Variants in USP34 observed in about 807,000 individuals in gnomAD.
USP34 encodes the protein ubiquitin carboxyl-terminal hydrolase 34.
A neutral mutation model predicts 460.3 loss-of-function variants in USP34; 70 were observed. That is an observed-to-expected ratio of 0.15 (90% CI 0.13 to 0.19). USP34 has a LOEUF of 0.19. Among genes scored for constraint, USP34 ranks in the 10% least tolerant of loss-of-function variants. The probability of loss-of-function intolerance (pLI) is 1.00; values close to 1 mark genes in which losing one functional copy is unlikely to be tolerated. For synonymous variants in USP34, 1,647 were observed against 1,405.3 expected (o/e 1.17, Z -3.85); for missense variants, 3,985 against 4,236.2 (o/e 0.94, Z 1.65).
At chr2:61,410,072 T>C (rs72815506) in intron 2 of USP34, among the ~76,000 whole-genome samples, 27 of 152,224 alleles carry the variant, frequency 1.8e-4, no homozygotes, top group Non-Finnish European at 3.4e-4. Flanking sequence ...GGACCTGTTT[T>C]GTGGAAGACA....
At chr2:61,363,521 T>C (rs2103818417) in intron 10 of USP34, among the ~76,000 whole-genome samples, 1 of 152,330 alleles carries the variant, frequency 6.6e-6, no homozygotes, top group African/African-American at 2.4e-5. Context: ...CTGAATACTG[T>C]AGGCAACTGT....
At chr2:61,209,922 T>A (rs1468370264) in intron 69 of USP34, among the ~76,000 whole-genome samples, 2 of 152,126 alleles carry the variant, frequency 1.3e-5, no homozygotes, top group African/African-American at 4.8e-5. Flanking sequence ...TATGTCTTAG[T>A]TTTTAACGAA....
intron 1 of USP34, among the ~76,000 whole-genome samples, chr2:61,446,233 C>A (rs1195488507): frequency 6.6e-6 from 1 of 151,214 alleles, no homozygotes; most frequent in Non-Finnish European, 1.5e-5. Flanking sequence ...ACAAGTGGAA[C>A]TGTTATATAT....
chr2:61,421,181 G>A (rs959094543), intron 1 of USP34, among the ~76,000 whole-genome samples: 4 of 152,100 alleles, frequency 2.6e-5, no homozygotes, highest in Middle Eastern at 6.3e-3. Flanking sequence ...GTGCCTATAG[G>A]GTACTAGAAG....
intron 41 of USP34, among the ~76,000 whole-genome samples, chr2:61,269,571 G>T (rs1689152893): frequency 1.3e-5 from 2 of 151,900 alleles, no homozygotes; most frequent in African/African-American, 4.8e-5. Context: ...AATGTATATT[G>T]TCTACAAAGA....
chr2:61,350,755 A>G, intron 10 of USP34, 62 bp from the exon 11 acceptor site: 1 of 1,520,534 alleles, frequency 6.6e-7, no homozygotes, highest in Admixed American at 2.3e-5. Context: ...AGATTACCTG[A>G]TATAAAAACA....
intron 1 of USP34, among the ~76,000 whole-genome samples, chr2:61,421,948 G>T (rs1448257640): frequency 6.6e-6 from 1 of 152,132 alleles, no homozygotes; most frequent in Non-Finnish European, 1.5e-5. Context: ...CCAAAAAGGG[G>T]TTTAAAAAAA....
In USP34 at chr2:61,301,169, A is replaced by C. The variant is rs369553919; in HGVS notation, c.3919-9T>G. 3.2e-6 allele frequency: 5 copies of C among 1,583,780 alleles called. No homozygotes were observed. The highest frequency in any genetic ancestry group is 4.3e-6 in the Non-Finnish European group (5 of 1,169,554). ...AAAGATACAAATACCATCTATAAAA[A>C]ACAGGAAAAAAAATTTATGCATATC... On this transcript the variant is annotated splice_polypyrimidine_tract_variant and intron_variant, in intron 28 of 79. Coordinates refer to ENST00000398571, the MANE Select transcript of USP34 (RefSeq NM_014709.4).
intron 40 of USP34, 49 bp from the exon 41 acceptor site, chr2:61,278,334 ATGTC>A: frequency 6.2e-7 from 1 of 1,609,412 alleles, no homozygotes; most frequent in Admixed American, 1.7e-5. Context: ...TCACATAATT[ATGTC>A]TTTTATCTTT....
intron 51 of USP34, among the ~76,000 whole-genome samples, 184 bp from the exon 52 acceptor site, chr2:61,242,003 C>CT (rs1332150889): frequency 1.3e-5 from 2 of 151,630 alleles, no homozygotes; most frequent in Non-Finnish European, 2.9e-5. Context: ...ATCCTAATAT[C>CT]TTTTTTTTAG....
chr2:61,438,536 G>A (rs1694879668), intron 1 of USP34, among the ~76,000 whole-genome samples: 1 of 151,952 alleles, frequency 6.6e-6, no homozygotes, highest in Non-Finnish European at 1.5e-5. Context: ...GGAGGCAGAG[G>A]TTGCAGTGAA....
At position 61,420,034 on chromosome 2, in the gene USP34, T is replaced by C. The variant is rs150374614; in HGVS notation, c.131+712A>G. ...GTTATTTGAAGTTAAACTACTCAGC[T>C]AAACTCTATGTTCAGCTAGACTGTA... On this transcript the variant is annotated intron_variant, in intron 2 of 79. Coordinates refer to ENST00000398571, the MANE Select transcript of USP34 (RefSeq NM_014709.4). Among the ~76,000 whole-genome samples, 56 of 152,358 alleles carry C rather than the reference T, an allele frequency of 3.7e-4. 1 individual carries two copies. The East Asian group carries it at 0.011, about 29-fold the overall frequency.
chr2:61,360,212 C>T (rs1692233706), intron 10 of USP34, among the ~76,000 whole-genome samples: 1 of 152,018 alleles, frequency 6.6e-6, no homozygotes, highest in Non-Finnish European at 1.5e-5. Flanking sequence ...AGAGAGAAGA[C>T]TTAAGGAATA....
At chr2:61,237,966 G>A (rs1331484820) in intron 53 of USP34, among the ~76,000 whole-genome samples, 2 of 151,224 alleles carry the variant, frequency 1.3e-5, no homozygotes, top group African/African-American at 4.9e-5. Flanking sequence ...GCGCGATCTC[G>A]GCTCACGGCA....
chr2:61,251,972 A>G (rs541940884), intron 48 of USP34, among the ~76,000 whole-genome samples: 8 of 152,048 alleles, frequency 5.3e-5, no homozygotes, highest in African/African-American at 1.2e-4. Context: ...TGTTTAAAAA[A>G]AAAAAACAGC....
chr2:61,194,395 G>A lies in USP34; in HGVS notation c.9509-1415C>T, dbSNP rs573837738. 2.6e-5 allele frequency among the ~76,000 whole-genome samples: 4 copies of A among 152,298 alleles called. No homozygotes were observed. The South Asian group carries it at 8.3e-4, about 32-fold the overall frequency. On this transcript the variant is annotated intron_variant, in intron 75 of 79. Coordinates refer to ENST00000398571, the MANE Select transcript of USP34 (RefSeq NM_014709.4). ...AGAGTTCCTACGTTCCCATGTTCCT[G>A]TATCCTAATTACTCATCAAAGTAGA...
chr2:61,420,454 T>C (rs1573023896), intron 2 of USP34, among the ~76,000 whole-genome samples: 1 of 152,176 alleles, frequency 6.6e-6, no homozygotes, highest in African/African-American at 2.4e-5. Context: ...AGCCTTTAGC[T>C]ATACCATAAA....
Position 61,348,059 on chromosome 2 carries a change from T to C in USP34, c.2096A>G (p.Glu699Gly). 1 of 1,614,184 alleles carries C rather than the reference T, an allele frequency of 6.2e-7. No individual in the cohort carries two copies. The highest frequency in any genetic ancestry group is 8.5e-7 in the Non-Finnish European group (1 of 1,180,022). ...CCCTGAAATATCATGTTCTGGGTCT[T>C]CAGAGTGTGAACAAGCATCCAGCAT... ...MRMLDACSHS[E>G]DPEHDISGEM... is the part of the protein sequence containing the mutation. Residue 699 changes from glutamate (E) to glycine (G), a missense_variant, in exon 15 of 80, where the codon GAA (glutamate) becomes GGA (glycine). By Grantham distance (98) the Glu-to-Gly change is moderately conservative. This residue lies in a region of USP34 where 716 missense variants were observed against 626.2 expected (regional missense o/e 1.14). Coordinates refer to ENST00000398571, the MANE Select transcript of USP34 (RefSeq NM_014709.4).
At chr2:61,345,656 A>T (rs1691745385) in intron 15 of USP34, among the ~76,000 whole-genome samples, 1 of 152,226 alleles carries the variant, frequency 6.6e-6, no homozygotes, top group African/African-American at 2.4e-5. Context: ...ATTTTTAGAG[A>T]CAGAGTCTCA....
Sources: gnomAD v4.1 joint callset for allele counts (sites outside exome capture counted in the v4.1 genomes callset) on GRCh38, gnomAD v4.1.1 for gene constraint, gnomAD v4.1.1 regional missense constraint, MANE v1.5 for transcripts, NCBI Gene and HGNC (gene_info 2026-07-23, HGNC 2026-07-21) for gene names.